ADAM28: variants seen among roughly 807,000 people sequenced by gnomAD.
The protein encoded by ADAM28 is disintegrin and metalloproteinase domain-containing protein 28.
ADAM28 carries 105 observed loss-of-function variants against 101.2 expected under a neutral mutation model. That is an observed-to-expected ratio of 1.04 (90% CI 0.89 to 1.22). The LOEUF (loss-of-function observed/expected upper bound fraction) is 1.22, where lower values mean the gene tolerates loss of function less well. Ranked by LOEUF, ADAM28 falls within the 50% of genes most tolerant of loss-of-function variation. The pLI, the probability that ADAM28 is intolerant of heterozygous loss-of-function variation, is 0.00. For synonymous variants in ADAM28, 322 were observed against 310.6 expected, an observed-to-expected ratio of 1.04 and a Z score of -0.39; for missense variants, 1,028 against 945.4, an observed-to-expected ratio of 1.09 and a Z score of -1.15.
intron 1 of ADAM28, among the ~76,000 whole-genome samples, chr8:24,297,829 A>T (rs1393990165): frequency 2.0e-5 from 3 of 152,216 alleles, no homozygotes; most frequent in Non-Finnish European, 4.4e-5. Flanking sequence ...CAGAAAAAGA[A>T]TCATCAATTT....
At chr8:24,326,500 A>G in intron 9 of ADAM28, 54 bp from the exon 10 acceptor site, 1 of 1,536,228 alleles carries the variant, frequency 6.5e-7, no homozygotes, top group Non-Finnish European at 9.0e-7. Flanking sequence ...TATTGTCTAT[A>G]AAAATAGAGC....
intron 10 of ADAM28, among the ~76,000 whole-genome samples, chr8:24,328,004 C>G (rs1451243584): frequency 3.3e-5 from 5 of 152,032 alleles, no homozygotes; most frequent in Non-Finnish European, 5.9e-5. Context: ...AACAAACCCC[C>G]ATGACACAGT....
rs1810762387 is a variant in ADAM28 at position 24,313,583 on chromosome 8, A to G, written c.576+3A>G. ...CCCTACCTGCCACCAAACTAGTAGT[A>G]TGTGTAACTTTATTTATTTGAAATG... On this transcript the variant is annotated splice_donor_region_variant and intron_variant, in intron 6 of 22. Coordinates refer to ENST00000265769, the MANE Select transcript of ADAM28 (RefSeq NM_014265.6). 1 of 1,612,546 alleles carries G rather than the reference A, an allele frequency of 6.2e-7. No individual in the cohort carries two copies.
intron 19 of ADAM28, among the ~76,000 whole-genome samples, chr8:24,350,700 A>ATGTT (rs1000818802): frequency 6.6e-6 from 1 of 152,128 alleles, no homozygotes; most frequent in African/African-American, 2.4e-5. Context: ...CAGATGAGAA[A>ATGTT]TGTTTTATGC....
At chr8:24,308,610 C>G in intron 2 of ADAM28, 2 of 456,194 alleles carry the variant, frequency 4.4e-6, no homozygotes, top group Non-Finnish European at 8.8e-6. Context: ...TTCTGCATAA[C>G]TTTTATTTTC....
Position 24,341,758 on chromosome 8 carries a change from G to A in ADAM28, c.1830+1G>A. 1 of 1,613,444 alleles carries A rather than the reference G, an allele frequency of 6.2e-7. No individual in the cohort carries two copies. The highest frequency in any genetic ancestry group is 8.5e-7 in the Non-Finnish European group (1 of 1,179,618). Reference sequence around the variant, plus strand: ...TGGAACTAAGTGTGGCGATAACAAGGTAAGTTGAAATTGTGGCTTTCACTC... The same window carrying A: ...TGGAACTAAGTGTGGCGATAACAAGATAAGTTGAAATTGTGGCTTTCACTC... On this transcript the variant is annotated splice_donor_variant, in intron 16 of 22. Transcript: ENST00000265769. LOFTEE classifies it high-confidence loss of function.
At position 24,353,031 on chromosome 8, in the gene ADAM28, G is replaced by C. The variant is rs541890446; in HGVS notation, c.2245-739G>C. ...GGATGTGTACTTTTGAGGTTAACTT[G>C]AAATATCACAGCACATTTGTCCCAG... On this transcript the variant is annotated intron_variant, in intron 21 of 22. Coordinates refer to ENST00000265769, the MANE Select transcript of ADAM28 (RefSeq NM_014265.6). Among the ~76,000 whole-genome samples, 3 of 152,138 alleles carry C rather than the reference G, an allele frequency of 2.0e-5. No individual in the cohort carries two copies. The South Asian group carries it at 6.2e-4, about 32-fold the overall frequency.
In ADAM28 at chr8:24,351,541, C is replaced by G. The variant is rs150444797; in HGVS notation, c.2178+231C>G. 470 of 582,004 alleles carry G rather than the reference C, an allele frequency of 8.1e-4. 2 individuals carry two copies. The highest frequency in any genetic ancestry group is 8.0e-3 in the African/African-American group (430 of 53,676). The allele number at this position is 582,004 out of a possible 1,614,324, so 36.1% of individuals were successfully genotyped here. On this transcript the variant is annotated intron_variant, in intron 20 of 22. Transcript: ENST00000265769. ...ATAAAGAGAACAAAGAATGCACATA[C>G]CGGATGTCTGTCTGTCTCTCTCTTT... is the stretch of plus-strand genomic sequence containing the variant.
rs1310435776 is a variant in ADAM28 at position 24,354,651 on chromosome 8, A to T, written c.*247A>T. On this transcript the variant is annotated 3_prime_UTR_variant, in exon 23 of 23. Coordinates refer to ENST00000265769, the MANE Select transcript of ADAM28 (RefSeq NM_014265.6). ...TCTTATAAGAAGGAAGATGATTGTA[A>T]AGAAATATCTCCGAAGTTAAAATCT... 1 of 366,880 alleles carries T rather than the reference A, an allele frequency of 2.7e-6. No individual in the cohort carries two copies. The highest frequency in any genetic ancestry group is 5.0e-5 in the East Asian group (1 of 20,112). The allele number at this position is 366,880 out of a possible 1,614,324, so 22.7% of individuals were successfully genotyped here. A position where few individuals can be genotyped will look rare whatever the true frequency, so the allele number is the denominator to read the frequency against.
chr8:24,347,542 T>C (rs1319817263), intron 18 of ADAM28, among the ~76,000 whole-genome samples: 1 of 152,166 alleles, frequency 6.6e-6, no homozygotes. Flanking sequence ...GTTTATCAAG[T>C]TTATTAATTG....
chr8:24,335,764 A>C, intron 14 of ADAM28, 123 bp downstream of exon 14: 1 of 1,310,964 alleles, frequency 7.6e-7, no homozygotes, highest in Non-Finnish European at 9.8e-7. Flanking sequence ...ACTCAAAATC[A>C]TGGAAAGGTT....
chr8:24,342,885 T>A, intron 16 of ADAM28: 3 of 746,554 alleles, frequency 4.0e-6, no homozygotes, highest in Non-Finnish European at 2.0e-6. Context: ...TTTTTAAAAA[T>A]ACATAAATTC....
intron 2 of ADAM28, among the ~76,000 whole-genome samples, chr8:24,305,226 A>G (rs1314317390): frequency 2.0e-5 from 3 of 151,938 alleles, no homozygotes; most frequent in Non-Finnish European, 4.4e-5. Context: ...CTGACTTGCC[A>G]TATTCATATA....
At chr8:24,349,399 A>AGT (rs370023184) in intron 18 of ADAM28, among the ~76,000 whole-genome samples, 87 of 152,332 alleles carry the variant, frequency 5.7e-4, no homozygotes, top group African/African-American at 2.0e-3. Flanking sequence ...GACCAACATC[A>AGT]GTGGAACACT....
chr8:24,329,307 C>T (rs189253527), intron 10 of ADAM28, among the ~76,000 whole-genome samples: 1 of 152,256 alleles, frequency 6.6e-6, no homozygotes, highest in East Asian at 1.9e-4. Flanking sequence ...GAGAATCAGA[C>T]TTCTGTAGGT....
intron 15 of ADAM28, chr8:24,340,742 T>C (rs954030451): frequency 3.3e-5 from 5 of 152,204 alleles, no homozygotes; most frequent in African/African-American, 1.2e-4. Context: ...CACTCTCATA[T>C]TTTGAGAGAA....
At chr8:24,328,660 A>T (rs926103730) in intron 10 of ADAM28, among the ~76,000 whole-genome samples, 3 of 151,964 alleles carry the variant, frequency 2.0e-5, no homozygotes, top group Non-Finnish European at 2.9e-5. Flanking sequence ...ATTAAGATGG[A>T]CCTCAGCCTG....
intron 2 of ADAM28, among the ~76,000 whole-genome samples, chr8:24,307,131 G>A (rs1809804318): frequency 6.6e-6 from 1 of 152,164 alleles, no homozygotes; most frequent in African/African-American, 2.4e-5. Flanking sequence ...TCTTCCCTGT[G>A]CAAAGACTTG....
rs906681649 is a variant in ADAM28 at position 24,358,176 on chromosome 8, C to T, written c.*3772C>T. ...ACTGCTTCCCACAGTAAATATTTTT[C>T]AGAAGTACATGCTTTCTCAGCCACT... On this transcript the variant is annotated 3_prime_UTR_variant, in exon 23 of 23. Coordinates refer to ENST00000265769, the MANE Select transcript of ADAM28 (RefSeq NM_014265.6). The T allele has an allele frequency of 2.0e-5, 3 of 152,128 alleles. No individual in the cohort carries two copies. The highest frequency in any genetic ancestry group is 7.2e-5 in the African/African-American group (3 of 41,422). The allele number at this position is 152,128 out of a possible 1,614,324, so 9.4% of individuals were successfully genotyped here.
Sources: allele counts gnomAD v4.1 joint callset (sites outside exome capture counted in the v4.1 genomes callset), GRCh38; gene constraint gnomAD v4.1.1; transcripts MANE v1.5; gene names NCBI Gene and HGNC (gene_info 2026-07-23, HGNC 2026-07-21).